The following NECTIN3 variants were observed in gnomAD, a reference collection of about 807,000 sequenced individuals.
NECTIN3 encodes the protein nectin cell adhesion molecule 3.
Under a neutral mutation model 49.4 loss-of-function variants are expected in NECTIN3, and 8 were observed. The ratio of observed to expected loss-of-function variants is 0.16; its 90% CI spans 0.10 to 0.29. The LOEUF is 0.29. NECTIN3 is among the 10% of genes least tolerant of loss of function. The pLI, the probability that NECTIN3 is intolerant of heterozygous loss-of-function variation, is 1.00. For missense variants in NECTIN3, 581 were observed against 654.6 expected (o/e 0.89, Z 1.23); for synonymous variants, 277 against 241.1 (o/e 1.15, Z -1.38).
chr3:111,113,638 G>C (rs2033566152), intron 2 of NECTIN3, among the ~76,000 whole-genome samples: 1 of 152,116 alleles, frequency 6.6e-6, no homozygotes, highest in African/African-American at 2.4e-5. Context: ...GAAATTTTCT[G>C]ATTAGAAGGC....
chr3:111,168,551 A>G (rs771002119), intron 7 of NECTIN3, among the ~76,000 whole-genome samples: 9 of 152,138 alleles, frequency 5.9e-5, no homozygotes, highest in Admixed American at 4.6e-4. Context: ...TTTTGTCAGC[A>G]CTGCCCTGTC....
intron 7 of NECTIN3, among the ~76,000 whole-genome samples, chr3:111,180,732 A>C (rs2035611272): frequency 1.3e-5 from 2 of 152,218 alleles, no homozygotes; most frequent in Non-Finnish European, 2.9e-5. Context: ...TTAGGAACTC[A>C]GTCATCCAAA....
intron 7 of NECTIN3, among the ~76,000 whole-genome samples, chr3:111,160,460 C>T (rs2035186886): frequency 6.6e-6 from 1 of 152,034 alleles, no homozygotes; most frequent in Non-Finnish European, 1.5e-5. Flanking sequence ...AGTGATAAGA[C>T]TCAAAACAAT....
intron 7 of NECTIN3, among the ~76,000 whole-genome samples, chr3:111,181,857 G>A (rs576189837): frequency 3.0e-4 from 45 of 151,920 alleles, no homozygotes; most frequent in African/African-American, 1.1e-3. Context: ...TTGTGTGTTT[G>A]TTTTGCTTGT....
In NECTIN3 at chr3:111,133,995, C is replaced by T. The variant is rs1376686698; in HGVS notation, c.1430C>T (p.Pro477Leu). 8.7e-6 allele frequency: 14 copies of T among 1,612,808 alleles called. No individual in the cohort carries two copies. The Admixed American group carries it at 2.2e-4, about 25-fold the overall frequency. ...PDSVKKENKNPVNNLIRKDYL... is the reference protein window; with the variant it reads ...PDSVKKENKNLVNNLIRKDYL... ...AGTGTAAAAAAAGAAAACAAAAATC[C>T]AGTGAACAATCTAATACGTAAAGAC... Residue 477 changes from proline to leucine, a missense_variant, in exon 6 of 6, where the codon CCA becomes CTA. Coordinates refer to ENST00000485303, the MANE Select transcript of NECTIN3 (RefSeq NM_015480.3).
Position 111,182,212 on chromosome 3 carries a change from C to A in NECTIN3, c.1222-10139C>A, listed in dbSNP as rs578006165. Among the ~76,000 whole-genome samples the A allele has an allele frequency of 1.1e-3, 169 of 151,950 alleles. 5 individuals are homozygous for A. The South Asian group carries it at 0.035, about 31-fold the overall frequency. ...GAAAATATATCTGTTTCACTTCAAT[C>A]TTTTAAGTATATTGAGACTTCTTTT... On this transcript the variant is annotated intron_variant, in intron 7 of 8. Transcript: ENST00000493615.
chr3:111,135,326 T>A lies in NECTIN3; in HGVS notation c.*1111T>A, dbSNP rs981626202. ...TTGGCATTCATCTCCTTTTTCCTCC[T>A]AAGTGTATGTATGTGTTTTAAGATT... On this transcript the variant is annotated 3_prime_UTR_variant, in exon 6 of 6. Coordinates refer to ENST00000485303, the MANE Select transcript of NECTIN3 (RefSeq NM_015480.3). 31 of 945,136 alleles carry A rather than the reference T, an allele frequency of 3.3e-5. No individual in the cohort carries two copies. In the African/African-American group the frequency reaches 5.5e-4, roughly 17 times the overall value. 58.5% of individuals were successfully genotyped at this position (945,136 alleles called of 1,614,324 possible). A position where few individuals can be genotyped will look rare whatever the true frequency, so the allele number is the denominator to read the frequency against.
At chr3:111,141,213 A>G (rs1376301338), downstream of NECTIN3, among the ~76,000 whole-genome samples, 46 of 152,008 alleles carry the variant, frequency 3.0e-4, no homozygotes, top group Admixed American at 3.0e-3. Flanking sequence ...AGGGGCTATT[A>G]CAAATGAAGA....
chr3:111,145,383 T>A (rs2034848611), intron 6 of NECTIN3, among the ~76,000 whole-genome samples: 1 of 152,192 alleles, frequency 6.6e-6, no homozygotes, highest in African/African-American at 2.4e-5. Flanking sequence ...AAAATATCTT[T>A]GAAGTTTTAA....
intron 1 of NECTIN3, among the ~76,000 whole-genome samples, chr3:111,103,679 A>G (rs1011840946): frequency 6.6e-6 from 1 of 152,056 alleles, no homozygotes; most frequent in African/African-American, 2.4e-5. Context: ...GACTTCTGGT[A>G]TGCTGTTGAA....
At position 111,134,041 on chromosome 3, in the gene NECTIN3, AACTC is replaced by A. The variant is rs2034489967; in HGVS notation, c.1478_1481del (p.Thr493SerfsTer5). 6.2e-7 allele frequency: 1 copy of A among 1,613,130 alleles called. No homozygotes were observed. Among genetic ancestry groups the A allele is most frequent in the South Asian group, 1.1e-5 (1 of 90,974 alleles). The stretch of plus-strand genomic sequence containing the variant: ...AAGACTATTTAGAAGAGCCTGAAAA[AACTC>A]AGTGGAACAATGTAGAAAATCTCAA... On this transcript the variant is annotated frameshift_variant, in exon 6 of 6. Coordinates refer to ENST00000485303, the MANE Select transcript of NECTIN3 (RefSeq NM_015480.3). LOFTEE classifies it high-confidence loss of function.
chr3:111,086,676 C>T (rs982728127), intron 1 of NECTIN3, among the ~76,000 whole-genome samples: 1 of 152,062 alleles, frequency 6.6e-6, no homozygotes, highest in African/African-American at 2.4e-5. Context: ...GGAGTAAGCT[C>T]GCCTATTCAG....
chr3:111,097,836 G>A (rs942407948), intron 1 of NECTIN3, among the ~76,000 whole-genome samples: 11 of 151,922 alleles, frequency 7.2e-5, no homozygotes, highest in South Asian at 2.1e-4. Flanking sequence ...GTCCACTCTC[G>A]GGTGTATCTT....
rs2033811635 is a variant in NECTIN3, at chr3:111,118,641, A to AAAATATTT, written c.503-11_503-4dup. ...TGTTTGAATGTAACTAATTATTAAAAAAATATTTAAACAGTTGAACCCACT... is the reference window on the plus strand; with the variant it reads ...TGTTTGAATGTAACTAATTATTAAAAAAATATTTAAATATTTAAACAGTTGAACCCACT... On this transcript the variant is annotated splice_polypyrimidine_tract_variant and intron_variant, in intron 2 of 5. Coordinates refer to ENST00000485303, the MANE Select transcript of NECTIN3 (RefSeq NM_015480.3). 1 of 1,511,588 alleles carries AAAATATTT rather than the reference A, an allele frequency of 6.6e-7. No individual in the cohort carries two copies. Among genetic ancestry groups the AAAATATTT allele is most frequent in the Non-Finnish European group, 8.8e-7 (1 of 1,130,458 alleles). 93.6% of individuals were successfully genotyped at this position (1,511,588 alleles called of 1,614,324 possible). A position where few individuals can be genotyped will look rare whatever the true frequency, so the allele number is the denominator to read the frequency against.
rs1576100967 is a variant in NECTIN3, at chr3:111,101,649, C to A, written c.161-10381C>A. On this transcript the variant is annotated intron_variant, in intron 1 of 5. Transcript: ENST00000485303. ...GCAAATATAATGTAGCTATACTGTT[C>A]AGTATGATTGTCACTAGCTAATTGT... Among the ~76,000 whole-genome samples, 6 of 152,142 alleles carry A rather than the reference C, an allele frequency of 3.9e-5. No homozygotes were observed. In the East Asian group the frequency reaches 1.2e-3, roughly 29 times the overall value.
intron 1 of NECTIN3, chr3:111,072,395 C>T (rs532741094): frequency 9.9e-6 from 15 of 1,513,310 alleles, no homozygotes; most frequent in Non-Finnish European, 1.3e-5. Context: ...TGCCCTCCCC[C>T]GCGGCCGCGC....
rs1448883746 is a variant in NECTIN3 at position 111,134,557 on chromosome 3, G to T, written c.*342G>T. 2 of 968,038 alleles carry T rather than the reference G, an allele frequency of 2.1e-6. No homozygotes were observed. Among genetic ancestry groups the T allele is most frequent in the Non-Finnish European group, 2.5e-6 (2 of 810,012 alleles). 60.0% of individuals were successfully genotyped at this position (968,038 alleles called of 1,614,324 possible). A position where few individuals can be genotyped will look rare whatever the true frequency, so the allele number is the denominator to read the frequency against. On this transcript the variant is annotated 3_prime_UTR_variant, in exon 6 of 6. Coordinates refer to ENST00000485303, the MANE Select transcript of NECTIN3 (RefSeq NM_015480.3). Reference sequence around the variant, plus strand: ...TTAAAAAGGGAACTACCTTGACATTGTGTATTAAATGTTTACCTAAGACTA... The same window carrying T: ...TTAAAAAGGGAACTACCTTGACATTTTGTATTAAATGTTTACCTAAGACTA...
At chr3:111,193,501 G>A in intron 1 of NECTIN3, 1 of 1,138,360 alleles carries the variant, frequency 8.8e-7, no homozygotes, top group Non-Finnish European at 1.2e-6. Context: ...AAGGGTATTG[G>A]AAGTCTTAAT....
rs538823012 is a variant in NECTIN3, at chr3:111,090,707, A to G, written c.160+18530A>G. Reference sequence around the variant, plus strand: ...TTTTCATGGCATCTTAAAGTTTTCCATCTGGAATTCTTTTTCTTACTCTGA... The same window carrying G: ...TTTTCATGGCATCTTAAAGTTTTCCGTCTGGAATTCTTTTTCTTACTCTGA... On this transcript the variant is annotated intron_variant, in intron 1 of 5. Transcript: ENST00000485303. Among the ~76,000 whole-genome samples the G allele has an allele frequency of 8.0e-5, 12 of 150,424 alleles. No homozygotes were observed. In the South Asian group the frequency reaches 1.0e-3, roughly 13 times the overall value.
Sources: allele counts gnomAD v4.1 joint callset (sites outside exome capture counted in the v4.1 genomes callset), GRCh38; gene constraint gnomAD v4.1.1; transcripts MANE v1.5; gene names NCBI Gene and HGNC (gene_info 2026-07-23, HGNC 2026-07-21).